CSMD3: variants seen among roughly 807,000 people sequenced by gnomAD.
The protein encoded by CSMD3 is CUB and Sushi multiple domains 3, also known as CUB and sushi domain-containing protein 3.
Under a neutral mutation model 435.2 loss-of-function variants are expected in CSMD3, and 177 were observed. That is an observed-to-expected ratio of 0.41 (90% CI 0.36 to 0.46). CSMD3 has a LOEUF of 0.46. CSMD3 is among the 20% of genes least tolerant of loss of function. The probability of loss-of-function intolerance (pLI) is 0.34; values close to 1 mark genes in which losing one functional copy is unlikely to be tolerated. For missense variants in CSMD3, 4,265 were observed against 4,504.6 expected, an observed-to-expected ratio of 0.95 and a Z score of 1.52; for synonymous variants, 1,656 against 1,520.5, an observed-to-expected ratio of 1.09 and a Z score of -2.07.
chr8:112,482,192 T>C (rs1173602965), intron 31 of CSMD3, among the ~76,000 whole-genome samples: 1 of 152,172 alleles, frequency 6.6e-6, no homozygotes, highest in Non-Finnish European at 1.5e-5. Flanking sequence ...TGAGCTGTTT[T>C]CTCCATCAGA....
chr8:112,946,732 T>C (rs1587732842), intron 9 of CSMD3, among the ~76,000 whole-genome samples: 2 of 151,874 alleles, frequency 1.3e-5, no homozygotes, highest in East Asian at 1.9e-4. Context: ...TTCTCTTTAG[T>C]GTGTTCCTTC....
At chr8:112,739,581 A>G (rs2077259161) in intron 13 of CSMD3, among the ~76,000 whole-genome samples, 1 of 151,686 alleles carries the variant, frequency 6.6e-6, no homozygotes, top group South Asian at 2.1e-4. Flanking sequence ...CTCCAGGAAG[A>G]GTCTTTTAAC....
rs766198651 is a variant in CSMD3, at chr8:112,281,155, A to G, written c.9508+19T>C. The G allele has an allele frequency of 7.7e-6, 12 of 1,567,974 alleles. No homozygotes were observed. The highest frequency in any genetic ancestry group is 9.7e-6 in the Non-Finnish European group (11 of 1,138,672). ...CTTTCATATAATTACTGATTTTTAA[A>G]TATTGAGAATATACTTACTTGTACA... On this transcript the variant is annotated intron_variant, in intron 59 of 70. Transcript: ENST00000297405.
chr8:113,328,445 A>C (rs1397931412), intron 1 of CSMD3, among the ~76,000 whole-genome samples: 1 of 151,710 alleles, frequency 6.6e-6, no homozygotes, highest in Non-Finnish European at 1.5e-5. Flanking sequence ...CTCAAAAAAA[A>C]AAAAAAAAAA....
intron 2 of CSMD3, among the ~76,000 whole-genome samples, chr8:113,282,384 T>A (rs2132479373): frequency 1.3e-5 from 2 of 151,932 alleles, no homozygotes; most frequent in South Asian, 4.1e-4. Flanking sequence ...AAAGTTTCCA[T>A]ATACAAGATC....
intron 43 of CSMD3, 33 bp downstream of exon 43, chr8:112,337,510 C>T (rs1824691108): frequency 6.5e-7 from 1 of 1,547,504 alleles, no homozygotes; most frequent in Non-Finnish European, 8.9e-7. Context: ...CAGATGACAT[C>T]ACCTAAAAGA....
At chr8:112,457,510 G>A (rs1816959421) in intron 32 of CSMD3, among the ~76,000 whole-genome samples, 1 of 152,014 alleles carries the variant, frequency 6.6e-6, no homozygotes, top group South Asian at 2.1e-4. Context: ...GTCTTTTAAA[G>A]CTCTTATATG....
intron 1 of CSMD3, among the ~76,000 whole-genome samples, chr8:113,351,633 A>G (rs2094190986): frequency 6.6e-6 from 1 of 152,150 alleles, no homozygotes; most frequent in Non-Finnish European, 1.5e-5. Flanking sequence ...GGAAATCAGT[A>G]CATATTAAGA....
chr8:112,450,032 C>T (rs553865186), intron 32 of CSMD3, among the ~76,000 whole-genome samples: 1 of 152,272 alleles, frequency 6.6e-6, no homozygotes, highest in Non-Finnish European at 1.5e-5. Flanking sequence ...CCAATCATTC[C>T]TATTACACAG....
At chr8:112,593,533 T>C (rs1463820842) in intron 22 of CSMD3, among the ~76,000 whole-genome samples, 2 of 152,184 alleles carry the variant, frequency 1.3e-5, no homozygotes, top group African/African-American at 4.8e-5. Flanking sequence ...TCAAGTAAAG[T>C]ACTCCAAGCA....
intron 1 of CSMD3, among the ~76,000 whole-genome samples, chr8:113,414,501 G>T (rs2094573055): frequency 6.6e-6 from 1 of 151,794 alleles, no homozygotes; most frequent in African/African-American, 2.4e-5. Context: ...GTATTTATTT[G>T]AACATTTTAG....
At chr8:113,372,408 T>C (rs535589204) in intron 1 of CSMD3, among the ~76,000 whole-genome samples, 94 of 152,266 alleles carry the variant, frequency 6.2e-4, no homozygotes, top group Non-Finnish European at 1.2e-3. Context: ...TGGGCTTTGA[T>C]TTCTACATAC....
chr8:112,374,334 A>G (rs1828738377), intron 38 of CSMD3, among the ~76,000 whole-genome samples: 1 of 151,890 alleles, frequency 6.6e-6, no homozygotes, highest in Admixed American at 6.6e-5. Context: ...CTCTTTTTCC[A>G]TATCCTGTAA....
At chr8:112,829,069 AT>A (rs940973812) in intron 12 of CSMD3, among the ~76,000 whole-genome samples, 12 of 152,270 alleles carry the variant, frequency 7.9e-5, no homozygotes, top group African/African-American at 2.6e-4. Flanking sequence ...GGAAAAAAAA[AT>A]AGCTTACCTT....
chr8:112,748,981 TCCACAA>T (rs2076580861), intron 13 of CSMD3, among the ~76,000 whole-genome samples: 1 of 152,214 alleles, frequency 6.6e-6, no homozygotes, highest in African/African-American at 2.4e-5. Context: ...TTTCCTTTTC[TCCACAA>T]CCTCACCATC....
At chr8:112,570,856 T>C (rs983797926) in intron 24 of CSMD3, among the ~76,000 whole-genome samples, 1 of 152,142 alleles carries the variant, frequency 6.6e-6, no homozygotes, top group Non-Finnish European at 1.5e-5. Flanking sequence ...GATATGGAAA[T>C]TTTTAGTTTT....
intron 12 of CSMD3, among the ~76,000 whole-genome samples, chr8:112,827,187 A>ATATATATATATATATATATT (rs2079718527): frequency 7.9e-6 from 1 of 127,284 alleles, no homozygotes; most frequent in Non-Finnish European, 1.6e-5. Context: ...ATATATATAT[A>ATATATATATATATATATATT]TATATATATA....
chr8:112,228,961 A>G, intron 69 of CSMD3, 70 bp from the exon 70 acceptor site: 1 of 859,890 alleles, frequency 1.2e-6, no homozygotes, highest in Non-Finnish European at 1.9e-6. Flanking sequence ...CCCATGAATC[A>G]ATTAATTTCT....
Position 112,689,770 on chromosome 8 carries a change from A to G in CSMD3, c.2155+98T>C, listed in dbSNP as rs142575411. The G allele has an allele frequency of 1.3e-3, 1,357 of 1,030,922 alleles. 9 individuals carry two copies. The African/African-American group carries it at 0.019, about 15-fold the overall frequency. 63.9% of individuals were successfully genotyped at this position (1,030,922 alleles called of 1,614,324 possible). ...ACAAAGTGCTACTCACTCAAAAATA[A>G]TTACACGGTTGCAGCTCTTTGCAAT... On this transcript the variant is annotated intron_variant, in intron 14 of 70. Transcript: ENST00000297405.
Sources: gnomAD v4.1 joint callset for allele counts (sites outside exome capture counted in the v4.1 genomes callset) on GRCh38, gnomAD v4.1.1 for gene constraint, MANE v1.5 for transcripts, NCBI Gene and HGNC (gene_info 2026-07-23, HGNC 2026-07-21) for gene names.